The following GNG12 variants were observed in gnomAD, a reference collection of about 807,000 sequenced individuals.
GNG12 encodes the protein G protein subunit gamma 12.
For synonymous variants in GNG12, 28 were observed against 29.7 expected (o/e 0.94, Z 0.19); for missense variants, 69 against 83.8 (o/e 0.82, Z 0.69).
rs1489740946 is a variant in GNG12, at chr1:67,702,598, A to AT, written c.*2852dup. ...AGGTAAATGATTTTAAAAACCTGAC[A>AT]TTTTTTAGAAGAAAAAAAAAAACTA... On this transcript the variant is annotated 3_prime_UTR_variant, in exon 4 of 4. Coordinates refer to ENST00000370982, the MANE Select transcript of GNG12 (RefSeq NM_018841.6). The AT allele has an allele frequency of 2.0e-5, 3 of 150,574 alleles. No individual in the cohort carries two copies. The highest frequency in any genetic ancestry group is 4.4e-5 in the Non-Finnish European group (3 of 67,656). The allele number at this position is 150,574 out of a possible 1,614,324, so 9.3% of individuals were successfully genotyped here. A position where few individuals can be genotyped will look rare whatever the true frequency, so the allele number is the denominator to read the frequency against.
At chr1:67,719,060 G>T (rs1646342652) in intron 2 of GNG12, among the ~76,000 whole-genome samples, 1 of 152,168 alleles carries the variant, frequency 6.6e-6, no homozygotes, top group Admixed American at 6.5e-5. Flanking sequence ...CAAGCTGCTT[G>T]GTTGGGATTT....
chr1:67,787,724 G>C (rs1031100402), intron 1 of GNG12, among the ~76,000 whole-genome samples: 2 of 152,202 alleles, frequency 1.3e-5, no homozygotes, highest in Non-Finnish European at 2.9e-5. Flanking sequence ...CAACAGAAAG[G>C]AAGAGTGAGC....
intron 2 of GNG12, among the ~76,000 whole-genome samples, chr1:67,770,075 C>T (rs1034622166): frequency 1.3e-5 from 2 of 152,082 alleles, no homozygotes; most frequent in South Asian, 2.1e-4. Context: ...GGTTAAGATG[C>T]GAAAGTGAAG....
intron 2 of GNG12, among the ~76,000 whole-genome samples, chr1:67,756,301 C>T (rs1283557000): frequency 6.6e-6 from 1 of 152,140 alleles, no homozygotes; most frequent in Non-Finnish European, 1.5e-5. Flanking sequence ...GTAGCATGAT[C>T]AGGTCTGTAG....
intron 2 of GNG12, among the ~76,000 whole-genome samples, chr1:67,748,102 G>A (rs1053867963): frequency 1.3e-5 from 2 of 152,196 alleles, no homozygotes; most frequent in Non-Finnish European, 2.9e-5. Flanking sequence ...CTGTTAGTCT[G>A]CATGAGGGGG....
At chr1:67,734,782 G>C (rs772075686) in intron 2 of GNG12, among the ~76,000 whole-genome samples, 3 of 152,146 alleles carry the variant, frequency 2.0e-5, no homozygotes, top group Non-Finnish European at 4.4e-5. Flanking sequence ...ACACTACAGG[G>C]TCTGGCTCTA....
At chr1:67,785,249 T>C (rs750780304) in intron 1 of GNG12, among the ~76,000 whole-genome samples, 5 of 152,190 alleles carry the variant, frequency 3.3e-5, no homozygotes, top group South Asian at 4.1e-4. Context: ...AAATTTACTA[T>C]AACAATGGCT....
chr1:67,724,023 C>T (rs898201065), intron 2 of GNG12, among the ~76,000 whole-genome samples: 1 of 152,126 alleles, frequency 6.6e-6, no homozygotes, highest in Non-Finnish European at 1.5e-5. Flanking sequence ...ATTCAGGGAC[C>T]AGGCAGTGAC....
intron 1 of GNG12, among the ~76,000 whole-genome samples, chr1:67,831,821 G>C (rs1647047066): frequency 6.6e-6 from 1 of 152,164 alleles, no homozygotes; most frequent in Non-Finnish European, 1.5e-5. Flanking sequence ...CTCCTTACTT[G>C]AATGTGATTG....
At chr1:67,819,560 G>A (rs1280951208) in intron 1 of GNG12, among the ~76,000 whole-genome samples, 1 of 152,166 alleles carries the variant, frequency 6.6e-6, no homozygotes, top group Non-Finnish European at 1.5e-5. Context: ...AACACAGTGT[G>A]TATGCAAAAT....
At chr1:67,802,070 A>C (rs1646869111) in intron 1 of GNG12, among the ~76,000 whole-genome samples, 1 of 152,142 alleles carries the variant, frequency 6.6e-6, no homozygotes, top group Admixed American at 6.5e-5. Context: ...GCAAATCTAT[A>C]AGCCCTGCTT....
chr1:67,792,460 C>G (rs943729648), intron 1 of GNG12, among the ~76,000 whole-genome samples: 1 of 152,252 alleles, frequency 6.6e-6, no homozygotes, highest in African/African-American at 2.4e-5. Flanking sequence ...TGCCTTACCC[C>G]CTAGATTCTG....
At chr1:67,784,035 T>C (rs1178408258) in intron 1 of GNG12, among the ~76,000 whole-genome samples, 1 of 151,672 alleles carries the variant, frequency 6.6e-6, no homozygotes, top group Non-Finnish European at 1.5e-5. Context: ...ACTGCGGCAC[T>C]ATTCACAATA....
intron 2 of GNG12, among the ~76,000 whole-genome samples, chr1:67,728,636 G>A (rs1570491562): frequency 6.6e-6 from 1 of 152,166 alleles, no homozygotes; most frequent in South Asian, 2.1e-4. Flanking sequence ...ATGCACACGG[G>A]GAAGGGAGAC....
chr1:67,811,505 C>G lies in GNG12; in HGVS notation c.-77+21839G>C, dbSNP rs191188307. ...GTTTCCAGGGGCATCCACAACTAAG[C>G]CACTCTGCACTGGGTCACCCTCCAG... On this transcript the variant is annotated intron_variant, in intron 1 of 3. Coordinates refer to ENST00000370982, the MANE Select transcript of GNG12 (RefSeq NM_018841.6). Among the ~76,000 whole-genome samples the G allele has an allele frequency of 1.9e-3, 287 of 152,298 alleles. 2 individuals are homozygous for G. The highest frequency in any genetic ancestry group is 6.7e-3 in the African/African-American group (278 of 41,570).
intron 1 of GNG12, among the ~76,000 whole-genome samples, chr1:67,822,413 G>A (rs1646989455): frequency 6.6e-6 from 1 of 151,826 alleles, no homozygotes; most frequent in African/African-American, 2.4e-5. Context: ...TTTTGATTAG[G>A]CACCCAAAGG....
intron 1 of GNG12, among the ~76,000 whole-genome samples, chr1:67,789,511 T>A (rs1387562465): frequency 6.6e-6 from 1 of 152,212 alleles, no homozygotes; most frequent in East Asian, 1.9e-4. Flanking sequence ...CCGGTTTTAT[T>A]GGAGTAGTCA....
At chr1:67,740,675 A>G (rs1646477951) in intron 2 of GNG12, among the ~76,000 whole-genome samples, 1 of 152,240 alleles carries the variant, frequency 6.6e-6, no homozygotes, top group Non-Finnish European at 1.5e-5. Flanking sequence ...CCATGGTGAC[A>G]GTATTAGGAG....
At chr1:67,756,316 T>C (rs75675260) in intron 2 of GNG12, among the ~76,000 whole-genome samples, 3,621 of 152,248 alleles carry the variant, frequency 0.024, 157 homozygotes, top group African/African-American at 0.083. Flanking sequence ...CTGTAGTTTA[T>C]AAAAAGCTAA....
Sources: allele counts gnomAD v4.1 joint callset (sites outside exome capture counted in the v4.1 genomes callset), GRCh38; gene constraint gnomAD v4.1.1; transcripts MANE v1.5; gene names NCBI Gene and HGNC (gene_info 2026-07-23, HGNC 2026-07-21).